Variants in KCNMB2 observed in about 807,000 individuals in gnomAD.
KCNMB2 encodes the protein potassium calcium-activated channel subfamily M regulatory beta subunit 2.
A neutral mutation model predicts 24.5 loss-of-function variants in KCNMB2; 9 were observed. The observed-to-expected ratio is 0.37, with a 90% CI of 0.22 to 0.64. The LOEUF (loss-of-function observed/expected upper bound fraction) is 0.64. Among genes scored for constraint, KCNMB2 ranks in the 30% least tolerant of loss-of-function variants. The probability of loss-of-function intolerance (pLI) is 0.63; values close to 1 mark genes in which losing one functional copy is unlikely to be tolerated. For synonymous variants in KCNMB2, 109 were observed against 104.4 expected, an observed-to-expected ratio of 1.04 and a Z score of -0.27; for missense variants, 226 against 284.3, an observed-to-expected ratio of 0.79 and a Z score of 1.47.
At chr3:178,616,433 C>T (rs1718708665) in intron 1 of KCNMB2, among the ~76,000 whole-genome samples, 1 of 152,168 alleles carries the variant, frequency 6.6e-6, no homozygotes, top group South Asian at 2.1e-4. Flanking sequence ...TTGTCTGGTT[C>T]TCTTCTGGTC....
At position 178,767,962 on chromosome 3, in the gene KCNMB2, A is replaced by G. The variant is rs112190395; in HGVS notation, c.-67-39381A>G. On this transcript the variant is annotated intron_variant, in intron 1 of 4. Coordinates refer to ENST00000452583, the MANE Select transcript of KCNMB2 (RefSeq NM_181361.3). Reference sequence around the variant, plus strand: ...TTTCTTCTTTGATCTGATCACTTCCATCACCACAGGCTGCAGTGTTCGCAT... The same window carrying G: ...TTTCTTCTTTGATCTGATCACTTCCGTCACCACAGGCTGCAGTGTTCGCAT... 1.3e-3 allele frequency among the ~76,000 whole-genome samples: 199 copies of G among 151,752 alleles called. 1 individual carries two copies. The highest frequency in any genetic ancestry group is 0.011 in the South Asian group (53 of 4,804).
At chr3:178,682,173 G>A (rs1214896006) in intron 1 of KCNMB2, among the ~76,000 whole-genome samples, 1 of 152,162 alleles carries the variant, frequency 6.6e-6, no homozygotes, top group African/African-American at 2.4e-5. Context: ...TCTTATTTCA[G>A]TAGGTTAAGT....
At chr3:178,691,130 T>C (rs1721660404) in intron 1 of KCNMB2, among the ~76,000 whole-genome samples, 1 of 146,026 alleles carries the variant, frequency 6.8e-6, no homozygotes, top group African/African-American at 2.6e-5. Context: ...TTTTTTTTGA[T>C]AGAGACGGGG....
chr3:178,571,718 G>A (rs1215564114), intron 1 of KCNMB2, among the ~76,000 whole-genome samples: 1 of 151,368 alleles, frequency 6.6e-6, no homozygotes, highest in Non-Finnish European at 1.5e-5. Context: ...GGTGTGTGAT[G>A]TTGCCCTCCC....
intron 1 of KCNMB2, among the ~76,000 whole-genome samples, chr3:178,768,690 C>G (rs1712223311): frequency 6.6e-6 from 1 of 152,160 alleles, no homozygotes; most frequent in Admixed American, 6.5e-5. Flanking sequence ...CCTAAAGGAG[C>G]TCTGCCCATT....
chr3:178,767,095 C>T (rs185380162), intron 1 of KCNMB2, among the ~76,000 whole-genome samples: 8 of 152,206 alleles, frequency 5.3e-5, no homozygotes, highest in African/African-American at 9.6e-5. Context: ...TACAATGCAC[C>T]GAACAATCCC....
At chr3:178,644,762 C>T (rs1305658466) in intron 1 of KCNMB2, among the ~76,000 whole-genome samples, 1 of 152,156 alleles carries the variant, frequency 6.6e-6, no homozygotes, top group African/African-American at 2.4e-5. Context: ...GAAGAAATAG[C>T]GAACTTGGAG....
chr3:178,739,287 A>AT (rs1413579379), intron 1 of KCNMB2, among the ~76,000 whole-genome samples: 1 of 152,054 alleles, frequency 6.6e-6, no homozygotes, highest in Non-Finnish European at 1.5e-5. Context: ...GCCTCAAGTG[A>AT]TAAGTTGAAG....
At chr3:178,602,658 G>A (rs1343696063) in intron 1 of KCNMB2, among the ~76,000 whole-genome samples, 1 of 152,036 alleles carries the variant, frequency 6.6e-6, no homozygotes, top group Non-Finnish European at 1.5e-5. Flanking sequence ...GCAGCAGCAG[G>A]TACGAGGGTC....
At chr3:178,596,978 G>T (rs1717901437) in intron 1 of KCNMB2, among the ~76,000 whole-genome samples, 1 of 152,150 alleles carries the variant, frequency 6.6e-6, no homozygotes, top group South Asian at 2.1e-4. Context: ...CTGGAGAAGA[G>T]AGAACAGGGT....
chr3:178,583,708 T>C (rs181163521), intron 1 of KCNMB2, among the ~76,000 whole-genome samples: 24 of 152,250 alleles, frequency 1.6e-4, no homozygotes, highest in Admixed American at 1.3e-3. Flanking sequence ...TTTCTAAAAG[T>C]GGGAATAATA....
intron 1 of KCNMB2, among the ~76,000 whole-genome samples, chr3:178,771,627 C>T (rs1053067667): frequency 2.6e-5 from 4 of 151,910 alleles, no homozygotes; most frequent in South Asian, 2.1e-4. Context: ...GAATTACAGG[C>T]ATGAGCCATG....
At chr3:178,754,193 TAC>T (rs1560003012) in intron 1 of KCNMB2, among the ~76,000 whole-genome samples, 10 of 73,124 alleles carry the variant, frequency 1.4e-4, no homozygotes, top group South Asian at 4.0e-4. Context: ...CACACACACA[TAC>T]ATATATATAT....
At chr3:178,580,860 A>AT (rs1248501180) in intron 1 of KCNMB2, among the ~76,000 whole-genome samples, 2 of 152,200 alleles carry the variant, frequency 1.3e-5, no homozygotes, top group Admixed American at 1.3e-4. Context: ...GCTCAAGGAA[A>AT]TAAGAGAGGA....
rs113172236 is a variant in KCNMB2 at position 178,693,563 on chromosome 3, A to G, written c.-67-113780A>G. ...TGATGAATCACATTTATTTATTTGT[A>G]TATGTTGAACCAACCTTGCATCCCA... On this transcript the variant is annotated intron_variant, in intron 1 of 4. Transcript: ENST00000452583. 1.7e-3 allele frequency among the ~76,000 whole-genome samples: 252 copies of G among 152,298 alleles called. 1 individual carries two copies. Among genetic ancestry groups the G allele is most frequent in the African/African-American group, 5.8e-3 (241 of 41,562 alleles).
intron 1 of KCNMB2, among the ~76,000 whole-genome samples, chr3:178,777,882 C>A (rs1010760719): frequency 1.3e-5 from 2 of 152,076 alleles, no homozygotes; most frequent in African/African-American, 2.4e-5. Flanking sequence ...CCCTTAATAA[C>A]CCTGTTTACC....
At chr3:178,539,937 C>T (rs1367780530) in intron 1 of KCNMB2, among the ~76,000 whole-genome samples, 1 of 152,102 alleles carries the variant, frequency 6.6e-6, no homozygotes, top group African/African-American at 2.4e-5. Flanking sequence ...GTGTCAAGCC[C>T]TCAGAAACTT....
chr3:178,685,837 T>G (rs145327940), intron 1 of KCNMB2, among the ~76,000 whole-genome samples: 1 of 152,324 alleles, frequency 6.6e-6, no homozygotes, highest in East Asian at 1.9e-4. Context: ...ATAGTTCAGT[T>G]AATACCTTCT....
In KCNMB2 at chr3:178,753,349, C is replaced by T. The variant is rs544110571; in HGVS notation, c.-67-53994C>T. ...GAGTCAGGCTGCTTGGGATTGAGTT[C>T]TGGCTCTGCCAAACACTGACTGTGT... is the stretch of plus-strand genomic sequence containing the variant. On this transcript the variant is annotated intron_variant, in intron 1 of 4. Coordinates refer to ENST00000452583, the MANE Select transcript of KCNMB2 (RefSeq NM_181361.3). Among the ~76,000 whole-genome samples the T allele has an allele frequency of 5.3e-5, 8 of 152,330 alleles. No homozygotes were observed. In the South Asian group the frequency reaches 1.2e-3, roughly 24 times the overall value.
Sources: gnomAD v4.1 joint callset for allele counts (sites outside exome capture counted in the v4.1 genomes callset) on GRCh38, gnomAD v4.1.1 for gene constraint, MANE v1.5 for transcripts, NCBI Gene and HGNC (gene_info 2026-07-23, HGNC 2026-07-21) for gene names.